Variants in NAALADL2 observed in about 807,000 individuals in gnomAD.
The protein encoded by NAALADL2 is N-acetylated alpha-linked acidic dipeptidase like 2.
Under a neutral mutation model 87.2 loss-of-function variants are expected in NAALADL2, and 76 were observed. The observed-to-expected ratio is 0.87, with a 90% CI of 0.72 to 1.05. NAALADL2 has a LOEUF of 1.05. NAALADL2 is among the 50% of genes least tolerant of loss of function. The pLI is 0.00. For synonymous variants in NAALADL2, 354 were observed against 331.0 expected (o/e 1.07, Z -0.75); for missense variants, 1,089 against 945.8 (o/e 1.15, Z -1.99).
chr3:175,283,211 T>G (rs1754539234), intron 4 of NAALADL2, among the ~76,000 whole-genome samples: 1 of 152,124 alleles, frequency 6.6e-6, no homozygotes, highest in Non-Finnish European at 1.5e-5. Flanking sequence ...TACTAAAGAC[T>G]GCACGGTCAC....
At chr3:175,312,736 A>G (rs1758540939) in intron 4 of NAALADL2, among the ~76,000 whole-genome samples, 1 of 152,168 alleles carries the variant, frequency 6.6e-6, no homozygotes, top group Non-Finnish European at 1.5e-5. Context: ...AATTTCAGTG[A>G]CTGGATAAAG....
At chr3:175,216,186 A>G (rs139813705) in intron 2 of NAALADL2, among the ~76,000 whole-genome samples, 271 of 152,280 alleles carry the variant, frequency 1.8e-3, no homozygotes, top group African/African-American at 6.2e-3. Context: ...ACATAAGAAA[A>G]AAGATGACCA....
chr3:174,530,772 C>T (rs75891999), intron 1 of NAALADL2, among the ~76,000 whole-genome samples: 40 of 152,234 alleles, frequency 2.6e-4, no homozygotes, highest in Admixed American at 9.2e-4. Context: ...TCCCACAACA[C>T]GTGGGAATTC....
chr3:175,634,241 C>T (rs963318031), intron 11 of NAALADL2, among the ~76,000 whole-genome samples: 3 of 151,646 alleles, frequency 2.0e-5, no homozygotes, highest in African/African-American at 7.3e-5. Flanking sequence ...GTCGATTAAC[C>T]TTGGTCTCTT....
chr3:174,895,454 A>C (rs1300057870), intron 1 of NAALADL2, among the ~76,000 whole-genome samples: 2 of 152,188 alleles, frequency 1.3e-5, no homozygotes, highest in African/African-American at 2.4e-5. Context: ...TACTAGATAC[A>C]TGCAACCTAC....
intron 4 of NAALADL2, among the ~76,000 whole-genome samples, chr3:175,258,731 T>C (rs977576273): frequency 1.3e-5 from 2 of 152,128 alleles, no homozygotes; most frequent in African/African-American, 4.8e-5. Context: ...CATGGAGGGC[T>C]TAATGTATGT....
At chr3:175,303,834 A>G (rs747160276) in intron 4 of NAALADL2, among the ~76,000 whole-genome samples, 16 of 152,330 alleles carry the variant, frequency 1.1e-4, no homozygotes, top group African/African-American at 3.6e-4. Flanking sequence ...ACTTGATTTC[A>G]CAATTTACCA....
intron 2 of NAALADL2, among the ~76,000 whole-genome samples, chr3:174,668,990 G>T (rs1336566438): frequency 9.9e-5 from 15 of 152,124 alleles, no homozygotes; most frequent in Admixed American, 9.8e-4. Flanking sequence ...CTGAGGAATT[G>T]CCACACTGAC....
chr3:174,753,679 G>A (rs1711570116), intron 3 of NAALADL2, among the ~76,000 whole-genome samples: 1 of 152,164 alleles, frequency 6.6e-6, no homozygotes, highest in African/African-American at 2.4e-5. Flanking sequence ...AGAAAGCTTA[G>A]AGCTTAGTAC....
intron 13 of NAALADL2, among the ~76,000 whole-genome samples, chr3:175,757,990 A>T (rs551271462): frequency 6.6e-6 from 1 of 151,990 alleles, no homozygotes; most frequent in South Asian, 2.1e-4. Context: ...AGCTTTCCCC[A>T]TTTGTCTTTC....
At chr3:175,227,377 C>T (rs950295550) in intron 2 of NAALADL2, among the ~76,000 whole-genome samples, 1 of 151,976 alleles carries the variant, frequency 6.6e-6, no homozygotes, top group Admixed American at 6.6e-5. Context: ...CTTCCAAATT[C>T]AAGTCTTAGG....
chr3:175,403,521 T>G (rs967153802), intron 5 of NAALADL2, among the ~76,000 whole-genome samples: 1 of 152,078 alleles, frequency 6.6e-6, no homozygotes, highest in African/African-American at 2.4e-5. Context: ...TAAAGGAATA[T>G]CGTATATTTT....
intron 11 of NAALADL2, among the ~76,000 whole-genome samples, chr3:175,677,481 G>A (rs917925475): frequency 7.5e-5 from 9 of 119,224 alleles, no homozygotes; most frequent in African/African-American, 3.6e-4. Flanking sequence ...ATAATGGGGT[G>A]TGTGTGTGTG....
At chr3:175,086,127 C>T (rs1486467601) in intron 1 of NAALADL2, among the ~76,000 whole-genome samples, 1 of 152,118 alleles carries the variant, frequency 6.6e-6, no homozygotes, top group African/African-American at 2.4e-5. Context: ...AGTTTGAAAA[C>T]TAAAGATCTG....
At chr3:175,152,897 A>T (rs1443198872) in intron 2 of NAALADL2, among the ~76,000 whole-genome samples, 1 of 151,526 alleles carries the variant, frequency 6.6e-6, no homozygotes, top group Non-Finnish European at 1.5e-5. Flanking sequence ...ACAGAGTGAG[A>T]CTCTGTCTCA....
intron 1 of NAALADL2, among the ~76,000 whole-genome samples, chr3:175,082,190 T>C (rs1176167326): frequency 6.6e-6 from 1 of 152,188 alleles, no homozygotes; most frequent in Non-Finnish European, 1.5e-5. Context: ...GTGCACAGTC[T>C]TTAGTAAATT....
At chr3:174,501,676 G>T (rs1718905479) in intron 1 of NAALADL2, among the ~76,000 whole-genome samples, 1 of 152,228 alleles carries the variant, frequency 6.6e-6, no homozygotes, top group African/African-American at 2.4e-5. Flanking sequence ...GTTGTAGAAT[G>T]TATTGGCTTA....
At chr3:174,845,437 A>G (rs573417636) in intron 3 of NAALADL2, among the ~76,000 whole-genome samples, 1 of 152,244 alleles carries the variant, frequency 6.6e-6, no homozygotes, top group Non-Finnish European at 1.5e-5. Flanking sequence ...GCTTTTTCCT[A>G]GGGAAGGCAG....
intron 2 of NAALADL2, among the ~76,000 whole-genome samples, chr3:175,126,488 C>A (rs1726972660): frequency 6.6e-6 from 1 of 152,010 alleles, no homozygotes; most frequent in Non-Finnish European, 1.5e-5. Flanking sequence ...AGTAACTGAA[C>A]AATTCCATTT....
Sources: gnomAD v4.1 joint callset for allele counts (sites outside exome capture counted in the v4.1 genomes callset) on GRCh38, gnomAD v4.1.1 for gene constraint, MANE v1.5 for transcripts, NCBI Gene and HGNC (gene_info 2026-07-23, HGNC 2026-07-21) for gene names.